DNAAF4: variants seen among roughly 807,000 people sequenced by gnomAD.
The protein encoded by DNAAF4 is dynein axonemal assembly factor 4, also known as dynein assembly factor 4, axonemal.
In DNAAF4, 43 loss-of-function variants were observed where a neutral mutation model predicts 51.8. That is an observed-to-expected ratio of 0.83 (90% CI 0.65 to 1.07). DNAAF4 has a LOEUF of 1.07. Ranked by LOEUF, DNAAF4 falls within the 50% of genes least tolerant of loss-of-function variation. The pLI is 0.00. For synonymous variants in DNAAF4, 194 were observed against 165.6 expected (o/e 1.17, Z -1.32); for missense variants, 581 against 493.0 (o/e 1.18, Z -1.69).
chr15:55,440,941 A>G (rs1452436463), intron 6 of DNAAF4, among the ~76,000 whole-genome samples: 1 of 151,970 alleles, frequency 6.6e-6, no homozygotes, highest in African/African-American at 2.4e-5. Context: ...TTGGCCTCCC[A>G]AAGTGCTGGG....
intron 8 of DNAAF4, among the ~76,000 whole-genome samples, chr15:55,433,753 T>C (rs913926923): frequency 3.3e-5 from 4 of 121,368 alleles, no homozygotes; most frequent in African/African-American, 9.4e-5. Context: ...TTGTTTTTTA[T>C]ATATAAATAT....
intron 4 of DNAAF4, among the ~76,000 whole-genome samples, chr15:55,469,474 C>CTTTTTTTTTTTTTTTTTT (rs1162485238): frequency 1.5e-5 from 1 of 66,254 alleles, no homozygotes. Context: ...CTTACCAATT[C>CTTTTTTTTTTTTTTTTTT]TTTTTTTTTT....
rs1567028675 is a variant in DNAAF4, at chr15:55,483,833, C to CATTTTT, written c.405+7289_405+7290insAAAAAT. On this transcript the variant is annotated intron_variant, in intron 4 of 9. Coordinates refer to ENST00000321149, the MANE Select transcript of DNAAF4 (RefSeq NM_130810.4). ...GAGCCATCACACCCAGCCAATAAAG[C>CATTTTT]TTTTTTTTTTTTTTTTTTTTTTTTT... Among the ~76,000 whole-genome samples the CATTTTT allele has an allele frequency of 4.8e-5, 4 of 82,504 alleles. 1 individual carries two copies. The highest frequency in any genetic ancestry group is 4.8e-5 in the African/African-American group (1 of 20,700). The allele number at this position is 82,504 out of a possible 152,430, so 54.1% of individuals were successfully genotyped here.
At chr15:55,439,403 C>T in intron 7 of DNAAF4, 69 bp downstream of exon 7, 2 of 1,351,954 alleles carry the variant, frequency 1.5e-6, no homozygotes, top group Non-Finnish European at 2.1e-6. Context: ...AGCCACCATA[C>T]TCGTCCTATG....
At chr15:55,419,487 C>G (rs936746823) in intron 7 of DNAAF4, among the ~76,000 whole-genome samples, 19 of 152,030 alleles carry the variant, frequency 1.2e-4, no homozygotes, top group African/African-American at 4.6e-4. Context: ...GTCATCCTGC[C>G]TCGGCCTCCC....
intron 4 of DNAAF4, among the ~76,000 whole-genome samples, chr15:55,489,101 C>A (rs1009986405): frequency 2.0e-5 from 3 of 147,898 alleles, no homozygotes; most frequent in Non-Finnish European, 4.5e-5. Flanking sequence ...AAAAAAAAAA[C>A]AAAAAACAAA....
intron 4 of DNAAF4, among the ~76,000 whole-genome samples, chr15:55,488,654 G>A (rs1595948987): frequency 1.3e-5 from 2 of 152,296 alleles, no homozygotes; most frequent in Admixed American, 1.3e-4. Context: ...AGGGAAGAGA[G>A]AAAACAGACA....
chr15:55,425,222 C>G (rs893230328), intron 7 of DNAAF4, among the ~76,000 whole-genome samples: 1 of 152,214 alleles, frequency 6.6e-6, no homozygotes, highest in African/African-American at 2.4e-5. Flanking sequence ...TTCCTTTAGC[C>G]AGAATCCCCA....
At chr15:55,463,292 A>G (rs2058121884) in intron 5 of DNAAF4, among the ~76,000 whole-genome samples, 1 of 152,116 alleles carries the variant, frequency 6.6e-6, no homozygotes, top group African/African-American at 2.4e-5. Context: ...ACCTTAAGGT[A>G]ATAAAAGCCA....
rs779176206 is a variant in DNAAF4, at chr15:55,498,282, C to T, written c.48G>A (p.Ala16=). Residue 16 remains alanine, a synonymous_variant, in exon 2 of 10, where the codon GCG becomes GCA. Transcript: ENST00000321149. ...CTTTGAGGGGCAGAGACAGAAAGAC[C>T]GCAGTCTTCGTCTGCTGCCAGCTGT... ...SDYSWQQTKT[A]VFLSLPLKGV... is the part of the protein sequence containing the mutation. 6.2e-7 allele frequency: 1 copy of T among 1,613,418 alleles called. No homozygotes were observed. Among genetic ancestry groups the T allele is most frequent in the Non-Finnish European group, 8.5e-7 (1 of 1,179,666 alleles).
At chr15:55,472,785 A>T (rs975445030) in intron 4 of DNAAF4, among the ~76,000 whole-genome samples, 2 of 152,162 alleles carry the variant, frequency 1.3e-5, no homozygotes, top group Non-Finnish European at 2.9e-5. Flanking sequence ...AATTCTTTTA[A>T]TCTAGAATGA....
intron 9 of DNAAF4, among the ~76,000 whole-genome samples, chr15:55,431,128 G>A (rs917784630): frequency 2.6e-5 from 4 of 151,846 alleles, no homozygotes; most frequent in African/African-American, 9.7e-5. Flanking sequence ...TTAGCCAGTA[G>A]GGCCTCGATC....
intron 5 of DNAAF4, among the ~76,000 whole-genome samples, chr15:55,464,498 T>A (rs1162782050): frequency 1.3e-5 from 2 of 151,988 alleles, no homozygotes. Context: ...AAAGAAATAA[T>A]CAGCACAGTA....
At chr15:55,476,866 G>T (rs1043472518) in intron 4 of DNAAF4, among the ~76,000 whole-genome samples, 2 of 152,048 alleles carry the variant, frequency 1.3e-5, no homozygotes, top group African/African-American at 4.8e-5. Context: ...TTTTAATTGT[G>T]CAAGACGAAA....
chr15:55,425,634 C>T (rs1012443643), downstream of DNAAF4, among the ~76,000 whole-genome samples: 5 of 151,804 alleles, frequency 3.3e-5, no homozygotes, highest in African/African-American at 1.2e-4. Context: ...ACTAGGGAAC[C>T]AAGACAGAAT....
chr15:55,453,358 A>G (rs1467938350), intron 5 of DNAAF4, among the ~76,000 whole-genome samples: 1 of 152,142 alleles, frequency 6.6e-6, no homozygotes, highest in African/African-American at 2.4e-5. Flanking sequence ...ACAATCCAGT[A>G]TGAGGAACAA....
chr15:55,498,348 G>C lies in DNAAF4; in HGVS notation c.-19C>G. The C allele has an allele frequency of 1.3e-6, 2 of 1,593,504 alleles. No homozygotes were observed. The highest frequency in any genetic ancestry group is 1.7e-5 in the Admixed American group (1 of 57,862). On this transcript the variant is annotated 5_prime_UTR_variant, in exon 2 of 10. Coordinates refer to ENST00000321149, the MANE Select transcript of DNAAF4 (RefSeq NM_130810.4). ...GAGGCATTCCGGTAGCAACGGGAGC[G>C]GATAGCGCGGCTGGTTGCTTCTTGC...
At chr15:55,498,794 A>G (rs1441754828) in intron 1 of DNAAF4, among the ~76,000 whole-genome samples, 2 of 150,938 alleles carry the variant, frequency 1.3e-5, no homozygotes, top group African/African-American at 4.9e-5. Context: ...AATCTCAGCT[A>G]CTCTGGAGGC....
chr15:55,481,312 G>C (rs1232585464), intron 4 of DNAAF4, among the ~76,000 whole-genome samples: 6 of 152,174 alleles, frequency 3.9e-5, no homozygotes, highest in Non-Finnish European at 1.5e-5. Context: ...AAAATTAGCT[G>C]ACCAGGCCTC....
Sources: gnomAD v4.1 joint callset for allele counts (sites outside exome capture counted in the v4.1 genomes callset) on GRCh38, gnomAD v4.1.1 for gene constraint, MANE v1.5 for transcripts, NCBI Gene and HGNC (gene_info 2026-07-23, HGNC 2026-07-21) for gene names.